The following GPC5 variants were observed in gnomAD, a reference collection of about 807,000 sequenced individuals.
GPC5 encodes the protein glypican 5, also known as glypican-5.
GPC5 carries 47 observed loss-of-function variants against 53.9 expected under a neutral mutation model. The ratio of observed to expected loss-of-function variants is 0.87; its 90% CI spans 0.69 to 1.11. GPC5 has a LOEUF of 1.11. Ranked by LOEUF, GPC5 falls within the 50% of genes most tolerant of loss-of-function variation. The probability of loss-of-function intolerance (pLI) is 0.00; values close to 1 mark genes in which losing one functional copy is unlikely to be tolerated. For synonymous variants in GPC5, 286 were observed against 263.3 expected (o/e 1.09, Z -0.84); for missense variants, 748 against 713.1 (o/e 1.05, Z -0.56).
intron 7 of GPC5, among the ~76,000 whole-genome samples, chr13:92,373,036 GT>G (rs2139296621): frequency 6.6e-6 from 1 of 152,266 alleles, no homozygotes; most frequent in South Asian, 2.1e-4. Context: ...AATGTAAGTA[GT>G]AAATAGTAAT....
chr13:92,639,571 G>A (rs1203637402), intron 7 of GPC5, among the ~76,000 whole-genome samples: 1 of 152,146 alleles, frequency 6.6e-6, no homozygotes, highest in Non-Finnish European at 1.5e-5. Context: ...ATTTATCACA[G>A]TGATCTGTGG....
chr13:91,463,885 C>A (rs1882081421), intron 2 of GPC5, among the ~76,000 whole-genome samples: 1 of 151,964 alleles, frequency 6.6e-6, no homozygotes, highest in Non-Finnish European at 1.5e-5. Flanking sequence ...ACAAGAACAC[C>A]CATGTTTCAT....
At chr13:92,339,255 G>A (rs925702292) in intron 7 of GPC5, among the ~76,000 whole-genome samples, 8 of 151,324 alleles carry the variant, frequency 5.3e-5, no homozygotes, top group African/African-American at 1.7e-4. Context: ...CTTTATGCTT[G>A]TCTTGCTGGT....
At chr13:91,850,474 C>G (rs775994941) in intron 5 of GPC5, among the ~76,000 whole-genome samples, 1 of 152,036 alleles carries the variant, frequency 6.6e-6, no homozygotes. Flanking sequence ...TTTAATGTTG[C>G]CCTCTGCAAC....
At chr13:91,646,264 G>A (rs570091300) in intron 2 of GPC5, among the ~76,000 whole-genome samples, 6 of 152,054 alleles carry the variant, frequency 3.9e-5, no homozygotes, top group Admixed American at 1.3e-4. Flanking sequence ...TCATTTTAAA[G>A]CCATTTTAAG....
chr13:91,531,244 G>A lies in GPC5; in HGVS notation c.325+82322G>A, dbSNP rs79248607. ...ACGGTATTGAAGTTTGCACAGAAATGATTTACAGATAGTGGTCCATTGTTT... is the reference window on the plus strand; with the variant it reads ...ACGGTATTGAAGTTTGCACAGAAATAATTTACAGATAGTGGTCCATTGTTT... On this transcript the variant is annotated intron_variant, in intron 2 of 7. Coordinates refer to ENST00000377067, the MANE Select transcript of GPC5 (RefSeq NM_004466.6). Among the ~76,000 whole-genome samples, 31 of 152,288 alleles carry A rather than the reference G, an allele frequency of 2.0e-4. No individual in the cohort carries two copies. In the East Asian group the frequency reaches 6.0e-3, roughly 29 times the overall value.
At chr13:91,400,417 G>A (rs1393207143) in intron 1 of GPC5, among the ~76,000 whole-genome samples, 1 of 152,090 alleles carries the variant, frequency 6.6e-6, no homozygotes, top group Non-Finnish European at 1.5e-5. Context: ...TACCTGTTTG[G>A]TACTAGGTGC....
intron 5 of GPC5, among the ~76,000 whole-genome samples, chr13:91,790,486 T>C (rs1295900240): frequency 2.6e-5 from 4 of 152,226 alleles, no homozygotes; most frequent in Admixed American, 6.5e-5. Flanking sequence ...CTTCTACTAG[T>C]TGCTGAAGAT....
chr13:92,197,708 G>C (rs1185029338), intron 7 of GPC5, among the ~76,000 whole-genome samples: 1 of 151,072 alleles, frequency 6.6e-6, no homozygotes, highest in East Asian at 1.9e-4. Context: ...TAGAGATGGG[G>C]CTTTGCCATG....
chr13:92,738,129 A>T (rs1028492071), intron 7 of GPC5, among the ~76,000 whole-genome samples: 1 of 152,102 alleles, frequency 6.6e-6, no homozygotes, highest in Non-Finnish European at 1.5e-5. Context: ...TCTAAAATGT[A>T]TTGGTTCGAG....
intron 7 of GPC5, among the ~76,000 whole-genome samples, chr13:92,798,925 G>A (rs907856627): frequency 1.3e-5 from 2 of 151,820 alleles, no homozygotes; most frequent in African/African-American, 4.8e-5. Flanking sequence ...ATTACAATAC[G>A]TAATATCTTA....
chr13:91,547,496 A>G (rs907803202), intron 2 of GPC5, among the ~76,000 whole-genome samples: 20 of 152,100 alleles, frequency 1.3e-4, no homozygotes, highest in Admixed American at 1.3e-3. Flanking sequence ...AAAAAATTGA[A>G]TCAATTAATA....
chr13:92,164,236 C>T (rs1350612033), intron 7 of GPC5, among the ~76,000 whole-genome samples: 1 of 152,110 alleles, frequency 6.6e-6, no homozygotes, highest in Non-Finnish European at 1.5e-5. Flanking sequence ...AACATCTTAG[C>T]TCACTCCAGC....
chr13:92,199,471 T>C (rs1302462103), intron 7 of GPC5, among the ~76,000 whole-genome samples: 1 of 152,080 alleles, frequency 6.6e-6, no homozygotes, highest in Non-Finnish European at 1.5e-5. Flanking sequence ...TGAGATAAAA[T>C]TGAATAATAA....
At chr13:91,458,852 G>A (rs617868) in intron 2 of GPC5, among the ~76,000 whole-genome samples, 136,788 of 152,154 alleles carry the variant, frequency 0.9, 62,272 homozygotes, top group East Asian at 1. Flanking sequence ...GTATATGCAT[G>A]TATATACCAT....
At chr13:92,520,427 A>C (rs546090599) in intron 7 of GPC5, among the ~76,000 whole-genome samples, 6 of 152,264 alleles carry the variant, frequency 3.9e-5, no homozygotes, top group South Asian at 4.1e-4. Flanking sequence ...AAAAGCTTAT[A>C]CACCATGATC....
intron 7 of GPC5, among the ~76,000 whole-genome samples, chr13:92,566,986 G>A (rs1456680547): frequency 6.6e-6 from 1 of 151,964 alleles, no homozygotes; most frequent in Admixed American, 6.6e-5. Flanking sequence ...GACCTTTAAG[G>A]TCTGGTATAT....
intron 6 of GPC5, among the ~76,000 whole-genome samples, chr13:92,122,096 T>G (rs2041654453): frequency 6.6e-6 from 1 of 152,144 alleles, no homozygotes; most frequent in Admixed American, 6.5e-5. Context: ...TACCGAAATA[T>G]AGCAATTAAA....
chr13:91,525,602 G>T (rs1013012080), intron 2 of GPC5, among the ~76,000 whole-genome samples: 3 of 152,126 alleles, frequency 2.0e-5, no homozygotes, highest in South Asian at 2.1e-4. Flanking sequence ...CAGAGGTATG[G>T]GATAAACTGG....
Sources: allele counts gnomAD v4.1 joint callset (sites outside exome capture counted in the v4.1 genomes callset), GRCh38; gene constraint gnomAD v4.1.1; transcripts MANE v1.5; gene names NCBI Gene and HGNC (gene_info 2026-07-23, HGNC 2026-07-21).